The following GNA14 variants were observed in gnomAD, a reference collection of about 807,000 sequenced individuals.
GNA14 encodes the protein G protein subunit alpha 14, also known as guanine nucleotide-binding protein subunit alpha-14.
A neutral mutation model predicts 42.0 loss-of-function variants in GNA14; 50 were observed. The ratio of observed to expected loss-of-function variants is 1.19; its 90% CI spans 0.95 to 1.51. GNA14 has a LOEUF of 1.51. Ranked by LOEUF, GNA14 falls within the 40% of genes most tolerant of loss-of-function variation. The pLI, the probability that GNA14 is intolerant of heterozygous loss-of-function variation, is 0.00. For synonymous variants in GNA14, 173 were observed against 163.1 expected (o/e 1.06, Z -0.46); for missense variants, 473 against 446.2 (o/e 1.06, Z -0.54).
intron 2 of GNA14, among the ~76,000 whole-genome samples, chr9:77,528,194 G>A (rs11145462): frequency 0.48 from 72,721 of 151,842 alleles, 18,075 homozygotes; most frequent in Admixed American, 0.58. Flanking sequence ...GTTGTCCTTA[G>A]GGGTCCATAC....
Position 77,423,913 on chromosome 9 carries a change from T to A in GNA14, c.*66A>T, listed in dbSNP as rs996453328. On this transcript the variant is annotated 3_prime_UTR_variant, in exon 7 of 7. Transcript: ENST00000341700. ...CTGGCTCTGGTGATGTCAGAAGCAC[T>A]TGCAAATAAAACAAGGAGTTTGCAA... 2 of 1,221,072 alleles carry A rather than the reference T, an allele frequency of 1.6e-6. No homozygotes were observed. Among genetic ancestry groups the A allele is most frequent in the Non-Finnish European group, 2.3e-6 (2 of 869,382 alleles). The allele number at this position is 1,221,072 out of a possible 1,614,324, so 75.6% of individuals were successfully genotyped here.
intron 1 of GNA14, among the ~76,000 whole-genome samples, chr9:77,562,410 T>C (rs1454051670): frequency 1.3e-5 from 2 of 151,984 alleles, no homozygotes; most frequent in Non-Finnish European, 2.9e-5. Context: ...TGATCATGTA[T>C]GGGGCAGGAA....
chr9:77,586,994 A>G (rs1823315807), intron 1 of GNA14, among the ~76,000 whole-genome samples: 1 of 147,756 alleles, frequency 6.8e-6, no homozygotes, highest in African/African-American at 2.5e-5. Flanking sequence ...TTTTTTTTTA[A>G]TAGAAAATAA....
chr9:77,504,106 A>G (rs1404610505), intron 2 of GNA14, among the ~76,000 whole-genome samples: 8 of 152,152 alleles, frequency 5.3e-5, no homozygotes, highest in Non-Finnish European at 1.0e-4. Context: ...ACCTATTCCA[A>G]CAGGCTTTAT....
intron 2 of GNA14, chr9:77,526,493 CT>C (rs1378321324): frequency 1.3e-5 from 2 of 152,064 alleles, no homozygotes; most frequent in African/African-American, 4.8e-5. Flanking sequence ...GACTGGTGTC[CT>C]TGTAAGAAAA....
rs149027960 is a variant in GNA14, at chr9:77,435,795, G to A, written c.310-1273C>T. On this transcript the variant is annotated intron_variant, in intron 2 of 6. Coordinates refer to ENST00000341700, the MANE Select transcript of GNA14 (RefSeq NM_004297.4). ...TGGCCTGCAGCCACAACATTTCCCC[G>A]TGTTGGCCCCAGAGACTCAGCATCC... Among the ~76,000 whole-genome samples the A allele has an allele frequency of 2.0e-3, 304 of 152,220 alleles. 1 individual carries two copies. Among genetic ancestry groups the A allele is most frequent in the African/African-American group, 5.2e-3 (217 of 41,550 alleles).
intron 1 of GNA14, among the ~76,000 whole-genome samples, chr9:77,632,116 T>C (rs1351975444): frequency 6.6e-6 from 1 of 152,200 alleles, no homozygotes; most frequent in Non-Finnish European, 1.5e-5. Context: ...CCACTGCCCT[T>C]GCAGGCTTGG....
intron 2 of GNA14, among the ~76,000 whole-genome samples, chr9:77,526,901 T>C: frequency 6.6e-6 from 1 of 152,342 alleles, no homozygotes; most frequent in Non-Finnish European, 1.5e-5. Context: ...AAAACCACTT[T>C]GTTTAAAATA....
intron 2 of GNA14, among the ~76,000 whole-genome samples, chr9:77,472,976 T>C (rs557378810): frequency 2.7e-4 from 41 of 152,354 alleles, no homozygotes; most frequent in African/African-American, 9.4e-4. Context: ...ACCCAGTTAA[T>C]GGCATTTTGC....
chr9:77,597,018 T>C (rs1467878380), intron 1 of GNA14, among the ~76,000 whole-genome samples: 2 of 152,202 alleles, frequency 1.3e-5, no homozygotes, highest in African/African-American at 4.8e-5. Context: ...CTTGGGCACA[T>C]GTCAACAGGA....
chr9:77,514,638 G>A (rs1194518998), intron 2 of GNA14, among the ~76,000 whole-genome samples: 1 of 140,352 alleles, frequency 7.1e-6, no homozygotes. Flanking sequence ...TTTTGAGACA[G>A]AGTCTCACTC....
intron 2 of GNA14, among the ~76,000 whole-genome samples, chr9:77,457,371 T>C (rs1836020329): frequency 6.6e-6 from 1 of 152,218 alleles, no homozygotes; most frequent in African/African-American, 2.4e-5. Context: ...TTATTAGTAG[T>C]TCTTTGAAGT....
intron 1 of GNA14, among the ~76,000 whole-genome samples, chr9:77,624,119 G>A (rs575363417): frequency 6.6e-6 from 1 of 152,220 alleles, no homozygotes; most frequent in East Asian, 1.9e-4. Flanking sequence ...TTTGAGTAGA[G>A]GGTTTCCCCC....
chr9:77,513,907 A>T (rs139759034), intron 2 of GNA14, among the ~76,000 whole-genome samples: 67 of 150,890 alleles, frequency 4.4e-4, no homozygotes, highest in African/African-American at 1.6e-3. Context: ...GGTATTATCT[A>T]TTGAATATCT....
At chr9:77,428,110 G>A (rs1162355583) in intron 5 of GNA14, among the ~76,000 whole-genome samples, 13 of 130,588 alleles carry the variant, frequency 1.0e-4, no homozygotes, top group Admixed American at 4.4e-4. Context: ...ATGGAGTCTC[G>A]CTCTGTTGCC....
At chr9:77,576,086 G>A (rs547790195) in intron 1 of GNA14, among the ~76,000 whole-genome samples, 2 of 152,230 alleles carry the variant, frequency 1.3e-5, no homozygotes, top group South Asian at 4.2e-4. Flanking sequence ...ATCTTCTATG[G>A]TTGCATGTTT....
At chr9:77,628,658 A>G (rs75862480) in intron 1 of GNA14, among the ~76,000 whole-genome samples, 1 of 152,206 alleles carries the variant, frequency 6.6e-6, no homozygotes, top group Non-Finnish European at 1.5e-5. Context: ...TATTTAATAA[A>G]TAGTGTTGGG....
intron 1 of GNA14, among the ~76,000 whole-genome samples, chr9:77,566,707 A>C (rs1173215577): frequency 6.6e-6 from 1 of 152,202 alleles, no homozygotes; most frequent in East Asian, 1.9e-4. Context: ...ATACAACTCT[A>C]AGTCCTAGAG....
At chr9:77,496,199 G>C (rs187140163) in intron 2 of GNA14, among the ~76,000 whole-genome samples, 38 of 152,284 alleles carry the variant, frequency 2.5e-4, no homozygotes, top group Non-Finnish European at 4.4e-4. Context: ...TAGTGGAAAA[G>C]TACTGTTTCT....
Sources: allele counts gnomAD v4.1 joint callset (sites outside exome capture counted in the v4.1 genomes callset), GRCh38; gene constraint gnomAD v4.1.1; transcripts MANE v1.5; gene names NCBI Gene and HGNC (gene_info 2026-07-23, HGNC 2026-07-21).